HS3ST4: variants seen among roughly 807,000 people sequenced by gnomAD.
HS3ST4 encodes the protein heparan sulfate-glucosamine 3-sulfotransferase 4, also known as heparan sulfate glucosamine 3-O-sulfotransferase 4.
A neutral mutation model predicts 29.2 loss-of-function variants in HS3ST4; 17 were observed. That is an observed-to-expected ratio of 0.58 (90% confidence interval 0.40 to 0.87). The LOEUF (loss-of-function observed/expected upper bound fraction) is 0.87. Ranked by LOEUF, HS3ST4 falls within the 40% of genes least tolerant of loss-of-function variation. The pLI is 0.00. For synonymous variants in HS3ST4, 314 were observed against 285.7 expected (o/e 1.10, Z -1.00); for missense variants, 627 against 634.5 (o/e 0.99, Z 0.13).
At position 25,850,597 on chromosome 16, in the gene HS3ST4, C is replaced by A. The variant is rs991386488; in HGVS notation, c.734+157446C>A. On this transcript the variant is annotated intron_variant, in intron 1 of 1. Coordinates refer to ENST00000331351, the MANE Select transcript of HS3ST4 (RefSeq NM_006040.3). Reference sequence around the variant, plus strand: ...GGAAAAGAAAACAAAATTCAAATTTCTTTGCCTCCTATTCTCCAAGCTCCC... The same window carrying A: ...GGAAAAGAAAACAAAATTCAAATTTATTTGCCTCCTATTCTCCAAGCTCCC... Among the ~76,000 whole-genome samples, 3 of 152,122 alleles carry A rather than the reference C, an allele frequency of 2.0e-5. No individual in the cohort carries two copies. In the East Asian group the frequency reaches 5.8e-4, roughly 29 times the overall value.
intron 1 of HS3ST4, among the ~76,000 whole-genome samples, chr16:26,113,370 CG>C (rs550685676): frequency 6.7e-6 from 1 of 150,084 alleles, no homozygotes; most frequent in Non-Finnish European, 1.5e-5. Context: ...CGCTTGAAAC[CG>C]GGGGGTAGAG....
At chr16:25,789,489 C>CTTCT (rs144359396) in intron 1 of HS3ST4, among the ~76,000 whole-genome samples, 6,014 of 123,218 alleles carry the variant, frequency 0.049, 521 homozygotes, top group African/African-American at 0.17. Flanking sequence ...TTTCTCTTTC[C>CTTCT]TTCTTTCTTT....
At chr16:25,943,773 A>T (rs1029750972) in intron 1 of HS3ST4, among the ~76,000 whole-genome samples, 1 of 152,158 alleles carries the variant, frequency 6.6e-6, no homozygotes, top group Non-Finnish European at 1.5e-5. Context: ...GGGCATTTTC[A>T]TGAGCAGTCT....
At chr16:25,827,266 G>A (rs1967227402) in intron 1 of HS3ST4, among the ~76,000 whole-genome samples, 9 of 152,066 alleles carry the variant, frequency 5.9e-5, no homozygotes, top group Admixed American at 5.2e-4. Context: ...CTCCTTGTCC[G>A]AGCCAGTAAG....
At chr16:25,849,835 A>G (rs1396054096) in intron 1 of HS3ST4, among the ~76,000 whole-genome samples, 6 of 151,836 alleles carry the variant, frequency 4.0e-5, no homozygotes, top group Non-Finnish European at 8.8e-5. Context: ...CACATGTTTT[A>G]TTAATAAAAT....
At chr16:25,882,918 C>T (rs190176517) in intron 1 of HS3ST4, among the ~76,000 whole-genome samples, 37 of 152,296 alleles carry the variant, frequency 2.4e-4, no homozygotes, top group African/African-American at 8.7e-4. Context: ...ATCTCACCAG[C>T]TGTCATTCCT....
At chr16:25,750,872 C>T (rs1203453681) in intron 1 of HS3ST4, among the ~76,000 whole-genome samples, 2 of 152,134 alleles carry the variant, frequency 1.3e-5, no homozygotes, top group Non-Finnish European at 2.9e-5. Flanking sequence ...CTCTTTGCTG[C>T]CTTAGGAATA....
chr16:26,062,008 G>A (rs1028776076), intron 1 of HS3ST4, among the ~76,000 whole-genome samples: 1 of 152,194 alleles, frequency 6.6e-6, no homozygotes. Flanking sequence ...TGTGGCCAGG[G>A]TGATGAATAT....
At chr16:25,847,943 T>G (rs1967482299) in intron 1 of HS3ST4, among the ~76,000 whole-genome samples, 1 of 152,138 alleles carries the variant, frequency 6.6e-6, no homozygotes, top group Admixed American at 6.6e-5. Context: ...TTGAGGGTCT[T>G]TACTGCTGGT....
At chr16:25,767,738 G>T (rs1966829519) in intron 1 of HS3ST4, among the ~76,000 whole-genome samples, 1 of 152,112 alleles carries the variant, frequency 6.6e-6, no homozygotes, top group Admixed American at 6.5e-5. Context: ...AGCCATGTCT[G>T]GCACATGGCA....
chr16:25,937,249 G>A (rs567560962), intron 1 of HS3ST4, among the ~76,000 whole-genome samples: 1 of 152,172 alleles, frequency 6.6e-6, no homozygotes, highest in Admixed American at 6.5e-5. Context: ...GGGTAAGAAT[G>A]GCACCAATAT....
At chr16:26,064,864 G>T (rs1256725311) in intron 1 of HS3ST4, among the ~76,000 whole-genome samples, 1 of 152,118 alleles carries the variant, frequency 6.6e-6, no homozygotes, top group African/African-American at 2.4e-5. Flanking sequence ...TGATCCACCT[G>T]CTGCGGCCTC....
intron 1 of HS3ST4, among the ~76,000 whole-genome samples, chr16:25,776,401 G>A (rs940576457): frequency 6.6e-6 from 1 of 152,124 alleles, no homozygotes; most frequent in African/African-American, 2.4e-5. Context: ...TCAAAAGAAT[G>A]CAACCATTTG....
intron 1 of HS3ST4, among the ~76,000 whole-genome samples, chr16:25,913,574 G>A (rs768345197): frequency 2.6e-5 from 4 of 152,238 alleles, no homozygotes; most frequent in South Asian, 4.1e-4. Context: ...AGTTTGAGTA[G>A]TGAAGGTTTT....
At chr16:25,703,349 G>A (rs1966349894) in intron 1 of HS3ST4, among the ~76,000 whole-genome samples, 1 of 152,176 alleles carries the variant, frequency 6.6e-6, no homozygotes, top group Admixed American at 6.5e-5. Context: ...GGTGGTAGAT[G>A]ATATTGTATC....
chr16:26,014,042 A>AT (rs1289912355), intron 1 of HS3ST4, among the ~76,000 whole-genome samples: 1 of 151,664 alleles, frequency 6.6e-6, no homozygotes, highest in African/African-American at 2.4e-5. Flanking sequence ...AAATAAATAA[A>AT]ACAAAAATTA....
chr16:25,748,876 G>C (rs949195545), intron 1 of HS3ST4, among the ~76,000 whole-genome samples: 1 of 152,168 alleles, frequency 6.6e-6, no homozygotes, highest in African/African-American at 2.4e-5. Flanking sequence ...GATTAAAGGG[G>C]CATTTCTTAG....
intron 1 of HS3ST4, among the ~76,000 whole-genome samples, chr16:25,851,972 C>T (rs1967526500): frequency 6.6e-6 from 1 of 152,142 alleles, no homozygotes; most frequent in Admixed American, 6.5e-5. Context: ...TATACACTTG[C>T]TCAGTAACAG....
intron 1 of HS3ST4, among the ~76,000 whole-genome samples, chr16:26,104,143 T>A (rs2141798498): frequency 6.6e-6 from 1 of 152,272 alleles, no homozygotes; most frequent in Non-Finnish European, 1.5e-5. Flanking sequence ...ATAAACTGGT[T>A]CAGTTAGTCT....
Sources: allele counts gnomAD v4.1 joint callset (sites outside exome capture counted in the v4.1 genomes callset), GRCh38; gene constraint gnomAD v4.1.1; transcripts MANE v1.5; gene names NCBI Gene and HGNC (gene_info 2026-07-23, HGNC 2026-07-21).